FGFR1: variants seen among roughly 807,000 people sequenced by gnomAD.
FGFR1 encodes the protein FGFR1/PLAG1 fusion.
FGFR1 carries 18 observed loss-of-function variants against 93.7 expected under a neutral mutation model. The ratio of observed to expected loss-of-function variants is 0.19; its 90% CI spans 0.13 to 0.28. The LOEUF is 0.28. Ranked by LOEUF, FGFR1 falls within the 10% of genes least tolerant of loss-of-function variation. FGFR1 has a pLI of 1.00. For synonymous variants in FGFR1, 448 were observed against 429.3 expected (o/e 1.04, Z -0.54); for missense variants, 731 against 1,080.4 (o/e 0.68, Z 4.53).
chr8:38,434,203 G>C (rs1348978126), intron 2 of FGFR1: 1 of 155,648 alleles, frequency 6.4e-6, no homozygotes, highest in African/African-American at 2.4e-5. Flanking sequence ...TAAAAAATAA[G>C]TTAAAATTTC....
At chr8:38,417,212 TC>T in intron 12 of FGFR1, 93 bp downstream of exon 12, 1 of 968,404 alleles carries the variant, frequency 1.0e-6, no homozygotes, top group Non-Finnish European at 1.7e-6. Context: ...TTAACCCCCT[TC>T]CCTAGCTGTG....
At chr8:38,414,085 C>T (rs910788073) in intron 16 of FGFR1, 62 bp from the exon 17 acceptor site, 4 of 1,613,904 alleles carry the variant, frequency 2.5e-6, no homozygotes, top group African/African-American at 2.7e-5. Context: ...AGTCTAGCCC[C>T]CTGCCCCTCA....
chr8:38,417,615 G>T, intron 11 of FGFR1, 199 bp from the exon 12 acceptor site: 1 of 719,352 alleles, frequency 1.4e-6, no homozygotes, highest in Non-Finnish European at 2.4e-6. Context: ...CAGGGATGTG[G>T]TGAGGAAAGC....
intron 2 of FGFR1, among the ~76,000 whole-genome samples, chr8:38,444,912 G>A (rs1323662653): frequency 6.6e-6 from 1 of 152,148 alleles, no homozygotes; most frequent in Non-Finnish European, 1.5e-5. Context: ...CTCAGCTTGA[G>A]CCACAGGTAG....
chr8:38,467,913 G>C (rs989064767), intron 1 of FGFR1, 68 bp downstream of exon 1: 2 of 219,746 alleles, frequency 9.1e-6, no homozygotes, highest in African/African-American at 4.5e-5. Flanking sequence ...GCAGCCGGGA[G>C]GCTCCGGCGC....
At chr8:38,461,193 G>A (rs1178378408) in intron 1 of FGFR1, 26 of 1,500,510 alleles carry the variant, frequency 1.7e-5, no homozygotes, top group Non-Finnish European at 2.2e-5. Context: ...CATACAGGGT[G>A]GACAGTGTCT....
chr8:38,453,075 C>T (rs1242588195), intron 2 of FGFR1, among the ~76,000 whole-genome samples: 1 of 152,204 alleles, frequency 6.6e-6, no homozygotes, highest in Non-Finnish European at 1.5e-5. Context: ...AGGTTCCTTA[C>T]AGCTTACAAA....
At chr8:38,460,976 C>T (rs1233524588) in intron 1 of FGFR1, 22 of 1,318,620 alleles carry the variant, frequency 1.7e-5, no homozygotes, top group East Asian at 7.5e-5. Flanking sequence ...CCCCCCGCCC[C>T]GTCTCTCCAA....
rs2151348540 is a variant in FGFR1 at position 38,457,452 on chromosome 8, T to C, written c.-6A>G. 6.2e-7 allele frequency: 1 copy of C among 1,614,028 alleles called. No homozygotes were observed. Among genetic ancestry groups the C allele is most frequent in the African/African-American group, 1.3e-5 (1 of 75,028 alleles). On this transcript the variant is annotated 5_prime_UTR_variant, in exon 2 of 18. Coordinates refer to ENST00000447712, the MANE Select transcript of FGFR1 (RefSeq NM_023110.3). ...AGGCACTTCCAGCTCCACATCCCAG[T>C]TCTGCAGTTAGAGGTTGGTGACAAG...
chr8:38,436,613 C>T (rs895568777), intron 2 of FGFR1, among the ~76,000 whole-genome samples: 1 of 151,878 alleles, frequency 6.6e-6, no homozygotes, highest in Non-Finnish European at 1.5e-5. Context: ...GTGCGAGTGA[C>T]AAGGATTCAT....
intron 1 of FGFR1, chr8:38,463,507 G>C (rs1167298281): frequency 4.5e-6 from 1 of 220,254 alleles, no homozygotes; most frequent in Non-Finnish European, 9.1e-6. Context: ...GGCTCCTTCA[G>C]AACAGGGTCT....
At position 38,411,571 on chromosome 8, in the gene FGFR1, G is replaced by A. The variant is rs556829066; in HGVS notation, c.*2057C>T. ...AAAATCCCTAGCTCAGAAATTTAAA[G>A]CAGCAATCCCATTTTCCCTACAGAA... On this transcript the variant is annotated 3_prime_UTR_variant, in exon 18 of 18. Transcript: ENST00000447712. 60 of 228,140 alleles carry A rather than the reference G, an allele frequency of 2.6e-4. No homozygotes were observed. The highest frequency in any genetic ancestry group is 2.1e-3 in the Admixed American group (37 of 17,618). 14.1% of individuals were successfully genotyped at this position (228,140 alleles called of 1,614,324 possible). A position where few individuals can be genotyped will look rare whatever the true frequency, so the allele number is the denominator to read the frequency against.
intron 8 of FGFR1, 43 bp downstream of exon 8, chr8:38,421,754 G>A (rs761629866): frequency 1.9e-6 from 3 of 1,605,674 alleles, no homozygotes; most frequent in Non-Finnish European, 2.6e-6. Context: ...CCCCGTGCCC[G>A]TGGCGAGGGC....
Position 38,417,858 on chromosome 8 carries a change from A to G in FGFR1, c.1552+12T>C, listed in dbSNP as rs777138222. ...ACAAGATTTTCTTTGCAAGGACAGA[A>G]GCATCACTTACACTTCAACATCTTC... is the stretch of plus-strand genomic sequence containing the variant. On this transcript the variant is annotated intron_variant, in intron 11 of 17. Coordinates refer to ENST00000447712, the MANE Select transcript of FGFR1 (RefSeq NM_023110.3). The G allele has an allele frequency of 4.3e-6, 7 of 1,614,202 alleles. No homozygotes were observed. In the South Asian group the frequency reaches 7.7e-5, roughly 18 times the overall value.
At chr8:38,427,799 T>G (rs907191009) in intron 5 of FGFR1, 122 bp downstream of exon 5, 22 of 1,056,576 alleles carry the variant, frequency 2.1e-5, no homozygotes, top group African/African-American at 6.5e-5. Context: ...TTAAAAATTT[T>G]AATGAATAAC....
At chr8:38,423,662 T>TA (rs1209840278) in intron 7 of FGFR1, 4,153 of 115,038 alleles carry the variant, frequency 0.036, 183 homozygotes, top group East Asian at 0.2. Flanking sequence ...AGCATTTGAT[T>TA]AAAAAAAAAA....
At chr8:38,420,737 C>T (rs531453744) in intron 8 of FGFR1, among the ~76,000 whole-genome samples, 1 of 152,246 alleles carries the variant, frequency 6.6e-6, no homozygotes, top group Admixed American at 6.5e-5. Context: ...AACCCACCAG[C>T]CAACCATGGA....
At chr8:38,430,127 G>T (rs1299660787) in intron 2 of FGFR1, 179 bp from the exon 3 acceptor site, 1 of 627,400 alleles carries the variant, frequency 1.6e-6, no homozygotes. Flanking sequence ...GGTCAGTGGG[G>T]AAAACAGCTG....
intron 1 of FGFR1, chr8:38,465,828 T>C: frequency 4.6e-6 from 1 of 219,770 alleles, no homozygotes; most frequent in East Asian, 6.6e-5. Flanking sequence ...GGCTAGATAG[T>C]ATTCCAAAAA....
Sources: gnomAD v4.1 joint callset for allele counts (sites outside exome capture counted in the v4.1 genomes callset) on GRCh38, gnomAD v4.1.1 for gene constraint, MANE v1.5 for transcripts, NCBI Gene and HGNC (gene_info 2026-07-23, HGNC 2026-07-21) for gene names.